The following CLEC16A variants were observed in gnomAD, a reference collection of about 807,000 sequenced individuals.
CLEC16A encodes the protein protein CLEC16A.
A neutral mutation model predicts 109.5 loss-of-function variants in CLEC16A; 51 were observed. The observed-to-expected ratio is 0.47, with a 90% CI of 0.37 to 0.59. The LOEUF (loss-of-function observed/expected upper bound fraction) is 0.59. Among genes scored for constraint, CLEC16A ranks in the 20% least tolerant of loss-of-function variants. The pLI is 0.00. For missense variants in CLEC16A, 1,339 were observed against 1,394.0 expected (o/e 0.96, Z 0.63); for synonymous variants, 673 against 564.2 (o/e 1.19, Z -2.73).
intron 11 of CLEC16A, among the ~76,000 whole-genome samples, chr16:11,019,073 CAAGGTATGTGTTCACATCCCT>C (rs760765364): frequency 1.4e-4 from 21 of 152,150 alleles, no homozygotes; most frequent in Admixed American, 3.3e-4. Context: ...TGTCTGAGCC[CAAGGTATGTGTTCACATCCCT>C]CTGGAAACAG....
intron 12 of CLEC16A, among the ~76,000 whole-genome samples, chr16:11,021,361 C>T (rs183998789): frequency 6.6e-6 from 1 of 152,278 alleles, no homozygotes; most frequent in Admixed American, 6.5e-5. Flanking sequence ...ATGTAACTCC[C>T]AAAGCTCTGA....
chr16:11,085,591 A>T (rs1029737190), intron 19 of CLEC16A, among the ~76,000 whole-genome samples: 3 of 152,224 alleles, frequency 2.0e-5, no homozygotes, highest in Admixed American at 6.5e-5. Flanking sequence ...GCCGTGTGTT[A>T]TAAGTGCTTG....
At chr16:11,101,732 C>G (rs1040595391) in intron 19 of CLEC16A, among the ~76,000 whole-genome samples, 1 of 152,184 alleles carries the variant, frequency 6.6e-6, no homozygotes, top group African/African-American at 2.4e-5. Context: ...ATGAATGGAG[C>G]TCCCTTTTTT....
At chr16:11,053,245 A>T (rs180934138) in intron 18 of CLEC16A, among the ~76,000 whole-genome samples, 20 of 152,178 alleles carry the variant, frequency 1.3e-4, no homozygotes, top group African/African-American at 4.6e-4. Flanking sequence ...TACCACTTCT[A>T]TGAACACATA....
At chr16:11,117,356 C>G (rs2052072574) in intron 19 of CLEC16A, among the ~76,000 whole-genome samples, 1 of 152,188 alleles carries the variant, frequency 6.6e-6, no homozygotes, top group Non-Finnish European at 1.5e-5. Context: ...AACATCTCAC[C>G]TACCCTCTTC....
chr16:11,044,183 C>A, intron 16 of CLEC16A, 111 bp downstream of exon 16: 2 of 859,786 alleles, frequency 2.3e-6, no homozygotes, highest in South Asian at 3.0e-5. Flanking sequence ...ATTTTTTATG[C>A]CTATAATTAC....
At position 11,017,000 on chromosome 16, in the gene CLEC16A, CGG is replaced by C. The variant is rs34524116; in HGVS notation, c.1304-3183_1304-3182del. On this transcript the variant is annotated intron_variant, in intron 11 of 23. Transcript: ENST00000409790. ...GCCGGGGCCCATGTGAATATCGGGG[CGG>C]GGGGGGGGGTGCTCCTCCATGCCAA... Among the ~76,000 whole-genome samples, 134 of 52,410 alleles carry C rather than the reference CGG, an allele frequency of 2.6e-3. 1 individual carries two copies. The highest frequency in any genetic ancestry group is 2.8e-3 in the Non-Finnish European group (68 of 24,182). 34.4% of individuals were successfully genotyped at this position (52,410 alleles called of 152,430 possible). A position where few individuals can be genotyped will look rare whatever the true frequency, so the allele number is the denominator to read the frequency against.
chr16:11,124,779 A>G (rs1413148632), intron 21 of CLEC16A, among the ~76,000 whole-genome samples: 4 of 152,148 alleles, frequency 2.6e-5, no homozygotes, highest in Admixed American at 6.5e-5. Context: ...GTGCTTTCTC[A>G]AGGGATAACT....
chr16:10,970,567 T>C (rs923818345), intron 4 of CLEC16A, among the ~76,000 whole-genome samples: 1 of 152,222 alleles, frequency 6.6e-6, no homozygotes, highest in Middle Eastern at 3.2e-3. Context: ...ATTTTCTTTT[T>C]AATTATAATT....
At chr16:11,073,617 C>T (rs1036607907) in intron 19 of CLEC16A, among the ~76,000 whole-genome samples, 1 of 152,232 alleles carries the variant, frequency 6.6e-6, no homozygotes, top group African/African-American at 2.4e-5. Flanking sequence ...TGTCTTGCTG[C>T]ATCTGCCCAC....
In CLEC16A at chr16:11,084,979, G is replaced by A. The variant is rs1423040809; in HGVS notation, c.2116+23957G>A. Among the ~76,000 whole-genome samples, 9 of 152,354 alleles carry A rather than the reference G, an allele frequency of 5.9e-5. No homozygotes were observed. In the Middle Eastern group the frequency reaches 0.017, roughly 288 times the overall value. The stretch of plus-strand genomic sequence containing the variant: ...ACGGCCCATGAGGGCCCTGAGTTTG[G>A]GGAGGCCTCTCCTTGGCCCTGGATA... On this transcript the variant is annotated intron_variant, in intron 19 of 23. Coordinates refer to ENST00000409790, the MANE Select transcript of CLEC16A (RefSeq NM_015226.3).
At chr16:11,065,301 A>G (rs2048701992) in intron 19 of CLEC16A, among the ~76,000 whole-genome samples, 1 of 152,354 alleles carries the variant, frequency 6.6e-6, no homozygotes, top group South Asian at 2.1e-4. Flanking sequence ...ACACCTGGCA[A>G]CCAGGTGTGT....
chr16:11,085,241 G>C (rs1216915311), intron 19 of CLEC16A, among the ~76,000 whole-genome samples: 1 of 152,260 alleles, frequency 6.6e-6, no homozygotes, highest in African/African-American at 2.4e-5. Flanking sequence ...CAGCCTGGCT[G>C]TCAGAGAAGA....
intron 16 of CLEC16A, 79 bp downstream of exon 16, chr16:11,044,151 T>A: frequency 6.5e-6 from 8 of 1,236,864 alleles, no homozygotes; most frequent in Non-Finnish European, 9.0e-6. Context: ...TCTATGCAGA[T>A]AAACGTTATA....
In CLEC16A at chr16:11,158,784, G is replaced by T. The variant is rs139950417; in HGVS notation, c.2642-7604G>T. 3.4e-3 allele frequency among the ~76,000 whole-genome samples: 515 copies of T among 152,304 alleles called. 4 individuals carry two copies. The highest frequency in any genetic ancestry group is 0.012 in the African/African-American group (497 of 41,572). On this transcript the variant is annotated intron_variant, in intron 22 of 23. Coordinates refer to ENST00000409790, the MANE Select transcript of CLEC16A (RefSeq NM_015226.3). Reference sequence around the variant, plus strand: ...AAAATACAAAAATTAGCTGGGCATGGTGGTGCATGCCTGTAGTCCCAGCTA... The same window carrying T: ...AAAATACAAAAATTAGCTGGGCATGTTGGTGCATGCCTGTAGTCCCAGCTA...
At chr16:11,176,410 T>TCC (rs1211077375) in intron 23 of CLEC16A, among the ~76,000 whole-genome samples, 1 of 152,158 alleles carries the variant, frequency 6.6e-6, no homozygotes, top group African/African-American at 2.4e-5. Context: ...TCTCTCTCTC[T>TCC]CTCTCTCTCT....
chr16:11,033,816 G>C (rs557511143), intron 13 of CLEC16A, among the ~76,000 whole-genome samples: 1 of 152,322 alleles, frequency 6.6e-6, no homozygotes, highest in Admixed American at 6.5e-5. Context: ...TGACCGGTTG[G>C]CGGAAGGCGC....
At position 11,178,324 on chromosome 16, in the gene CLEC16A, C is replaced by A. The variant is rs72650690; in HGVS notation, c.2807-11C>A. 7,095 of 1,596,216 alleles carry A rather than the reference C, an allele frequency of 4.4e-3. 22 individuals are homozygous for A. The highest frequency in any genetic ancestry group is 5.7e-3 in the Non-Finnish European group (6,610 of 1,167,358). ...GCTCAGTGTGTTTCCGGTTTTTCTC[C>A]CCCAATCCAGATGCCCCCATGAGTC... is the stretch of plus-strand genomic sequence containing the variant. On this transcript the variant is annotated splice_polypyrimidine_tract_variant and intron_variant, in intron 23 of 23. Transcript: ENST00000409790. This position sits in a 1 kb window ranked among gnomAD's most constrained non-coding sequence, Gnocchi z 6.5.
At chr16:11,035,075 C>G (rs1177700296) in intron 13 of CLEC16A, among the ~76,000 whole-genome samples, 1 of 152,198 alleles carries the variant, frequency 6.6e-6, no homozygotes, top group Non-Finnish European at 1.5e-5. Context: ...AAACCTAAAT[C>G]TAATGTTCGC....
Sources: gnomAD v4.1 joint callset for allele counts (sites outside exome capture counted in the v4.1 genomes callset) on GRCh38, gnomAD v4.1.1 for gene constraint, Gnocchi (gnomAD v3.1) non-coding constraint, MANE v1.5 for transcripts, NCBI Gene and HGNC (gene_info 2026-07-23, HGNC 2026-07-21) for gene names.